Variants in TENM2 observed in about 807,000 individuals in gnomAD.
TENM2 encodes the protein teneurin-2.
In TENM2, 52 loss-of-function variants were observed where a neutral mutation model predicts 245.2. The observed-to-expected ratio is 0.21, with a 90% CI of 0.17 to 0.27. The LOEUF (loss-of-function observed/expected upper bound fraction) is 0.27, where lower values mean the gene tolerates loss of function less well. Among genes scored for constraint, TENM2 ranks in the 10% least tolerant of loss-of-function variants. The pLI is 1.00. For synonymous variants in TENM2, 1,363 were observed against 1,438.9 expected, an observed-to-expected ratio of 0.95 and a Z score of 1.19; for missense variants, 3,046 against 3,666.8, an observed-to-expected ratio of 0.83 and a Z score of 4.37.
intron 1 of TENM2, among the ~76,000 whole-genome samples, chr5:167,311,057 G>A (rs1490466983): frequency 6.6e-6 from 1 of 152,126 alleles, no homozygotes. Context: ...TGTTTACTTT[G>A]GGAAAATAGC....
intron 13 of TENM2, among the ~76,000 whole-genome samples, chr5:168,168,522 A>G (rs1194382515): frequency 6.6e-6 from 1 of 152,298 alleles, no homozygotes; most frequent in East Asian, 1.9e-4. Context: ...TCTACAAAAA[A>G]TAGAGAAATT....
At chr5:168,030,322 C>A (rs2151949736) in intron 5 of TENM2, among the ~76,000 whole-genome samples, 1 of 152,054 alleles carries the variant, frequency 6.6e-6, no homozygotes, top group East Asian at 1.9e-4. Flanking sequence ...ACCTCCTCCA[C>A]CTTCATAGAA....
intron 2 of TENM2, among the ~76,000 whole-genome samples, chr5:167,745,509 G>T (rs1761495671): frequency 2.0e-5 from 3 of 152,128 alleles, no homozygotes; most frequent in Non-Finnish European, 2.9e-5. Context: ...TTAAAAAATA[G>T]CTTTTTGAAG....
the TENM2 span, among the ~76,000 whole-genome samples, chr5:167,178,655 T>G: frequency 1.8e-4 from 27 of 152,014 alleles, no homozygotes; most frequent in Non-Finnish European, 2.9e-4. Flanking sequence ...ATGACTTACT[T>G]TCTAACTTGA....
intron 5 of TENM2, among the ~76,000 whole-genome samples, chr5:168,035,091 T>C (rs1787542114): frequency 6.6e-6 from 1 of 152,244 alleles, no homozygotes; most frequent in Admixed American, 6.5e-5. Flanking sequence ...AAAAAAATCT[T>C]TTTACTGTCT....
intron 2 of TENM2, among the ~76,000 whole-genome samples, chr5:167,863,350 C>T (rs1265997600): frequency 2.0e-5 from 3 of 152,208 alleles, no homozygotes; most frequent in East Asian, 1.9e-4. Flanking sequence ...CACAGTGGCT[C>T]ACACCTGTAA....
the TENM2 span, among the ~76,000 whole-genome samples, chr5:167,158,404 T>G: frequency 6.6e-6 from 1 of 152,136 alleles, no homozygotes; most frequent in Non-Finnish European, 1.5e-5. Context: ...TTGCTCTTCT[T>G]TATCACCCAG....
chr5:167,839,863 GCT>G (rs1769333853), intron 2 of TENM2, among the ~76,000 whole-genome samples: 1 of 152,020 alleles, frequency 6.6e-6, no homozygotes, highest in African/African-American at 2.4e-5. Context: ...TTTTGTACAG[GCT>G]GGAGTGCAGT....
chr5:167,958,635 T>G (rs569777631), intron 4 of TENM2, among the ~76,000 whole-genome samples: 83 of 152,342 alleles, frequency 5.4e-4, no homozygotes, highest in East Asian at 5.8e-4. Context: ...CCTTTCCATG[T>G]TTAGTGCCTC....
intron 2 of TENM2, among the ~76,000 whole-genome samples, chr5:167,596,795 C>CAAA (rs35609546): frequency 0.013 from 1,755 of 131,768 alleles, 47 homozygotes; most frequent in African/African-American, 0.049. Context: ...GATTCTGCCT[C>CAAA]AAAAAAAAAA....
rs903724918 is a variant in TENM2, at chr5:167,494,936, C to G, written c.502+119463C>G. ...ATTATGAATAATTTTAATATACGGC[C>G]TCTAAAATTTATGAACTGTAGTTAG... On this transcript the variant is annotated intron_variant, in intron 2 of 28. Transcript: ENST00000518659. Among the ~76,000 whole-genome samples, 6 of 151,930 alleles carry G rather than the reference C, an allele frequency of 3.9e-5. No homozygotes were observed. In the South Asian group the frequency reaches 1.2e-3, roughly 32 times the overall value.
intron 5 of TENM2, among the ~76,000 whole-genome samples, chr5:167,994,202 G>T (rs938198441): frequency 2.0e-5 from 3 of 152,258 alleles, no homozygotes; most frequent in African/African-American, 7.2e-5. Context: ...GTTTGGCTGT[G>T]CCATGTTGCA....
At chr5:168,252,571 C>T (rs947003460) in intron 27 of TENM2, among the ~76,000 whole-genome samples, 5 of 150,014 alleles carry the variant, frequency 3.3e-5, no homozygotes, top group African/African-American at 7.4e-5. Context: ...TGGCCAGGCG[C>T]GGTGACTCAC....
At chr5:168,235,662 C>A (rs1364155956) in intron 25 of TENM2, among the ~76,000 whole-genome samples, 1 of 152,130 alleles carries the variant, frequency 6.6e-6, no homozygotes, top group Non-Finnish European at 1.5e-5. Context: ...CAAAAATTAG[C>A]CAGGTGTGGT....
the TENM2 span, among the ~76,000 whole-genome samples, chr5:167,037,756 A>C: frequency 6.6e-6 from 1 of 152,168 alleles, no homozygotes; most frequent in Non-Finnish European, 1.5e-5. Flanking sequence ...CATTTCTTGG[A>C]AAGAGGTACA....
intron 13 of TENM2, among the ~76,000 whole-genome samples, chr5:168,172,603 T>C (rs1270532794): frequency 2.0e-5 from 3 of 152,200 alleles, no homozygotes; most frequent in Non-Finnish European, 2.9e-5. Context: ...TGAGTGTTTG[T>C]TGTGTTTGGG....
chr5:168,012,679 G>C (rs1021393063), intron 5 of TENM2, among the ~76,000 whole-genome samples: 1 of 148,902 alleles, frequency 6.7e-6, no homozygotes, highest in African/African-American at 2.5e-5. Flanking sequence ...AAAACTGAAG[G>C]TGAGGGGGCA....
At chr5:167,904,535 G>C (rs939120565) in intron 3 of TENM2, among the ~76,000 whole-genome samples, 1 of 152,068 alleles carries the variant, frequency 6.6e-6, no homozygotes, top group East Asian at 1.9e-4. Context: ...CCTACCACAC[G>C]CTGGATACTG....
intron 2 of TENM2, among the ~76,000 whole-genome samples, chr5:167,683,678 G>A (rs1295096414): frequency 1.3e-5 from 2 of 152,050 alleles, no homozygotes; most frequent in African/African-American, 4.8e-5. Context: ...TCTGAAAGGG[G>A]CACCTGACAT....
Sources: allele counts gnomAD v4.1 joint callset (sites outside exome capture counted in the v4.1 genomes callset), GRCh38; gene constraint gnomAD v4.1.1; transcripts MANE v1.5; gene names NCBI Gene and HGNC (gene_info 2026-07-23, HGNC 2026-07-21).